Variants in CAST observed in about 807,000 individuals in gnomAD.
CAST encodes MIR583 host.
In CAST, 76 loss-of-function variants were observed where a neutral mutation model predicts 119.6. That is an observed-to-expected ratio of 0.64 (90% CI 0.53 to 0.77). The LOEUF is 0.77. CAST is among the 30% of genes least tolerant of loss of function. CAST has a pLI of 0.00. For missense variants in CAST, 953 were observed against 946.5 expected (o/e 1.01, Z -0.09); for synonymous variants, 319 against 331.6 (o/e 0.96, Z 0.41).
the CAST span, among the ~76,000 whole-genome samples, chr5:96,094,689 T>G: frequency 6.6e-6 from 1 of 152,222 alleles, no homozygotes; most frequent in East Asian, 1.9e-4. Context: ...GAACGCTAGC[T>G]GTTTGACTTT....
upstream of CAST, among the ~76,000 whole-genome samples, chr5:96,526,953 G>A (rs539053356): frequency 6.6e-6 from 1 of 152,236 alleles, no homozygotes; most frequent in Admixed American, 6.5e-5. Context: ...GAGTGGCAGG[G>A]GTAGGTAGTG....
chr5:96,022,936 G>T, the CAST span, among the ~76,000 whole-genome samples: 1 of 152,146 alleles, frequency 6.6e-6, no homozygotes, highest in African/African-American at 2.4e-5. Context: ...TCAACTGATT[G>T]TTTGTTAATA....
chr5:96,747,049 A>G (rs1260246504), intron 17 of CAST, among the ~76,000 whole-genome samples: 2 of 152,242 alleles, frequency 1.3e-5, no homozygotes, highest in Non-Finnish European at 2.9e-5. Flanking sequence ...TTCGATTAAC[A>G]TAGCTACATC....
the CAST span, among the ~76,000 whole-genome samples, chr5:96,404,917 C>A: frequency 6.6e-6 from 1 of 152,102 alleles, no homozygotes; most frequent in African/African-American, 2.4e-5. Context: ...ACAGTAAGAA[C>A]CTAATCAATA....
At chr5:96,576,388 A>C (rs1423643653) in intron 1 of CAST, among the ~76,000 whole-genome samples, 2 of 152,090 alleles carry the variant, frequency 1.3e-5, no homozygotes, top group African/African-American at 4.8e-5. Flanking sequence ...TCTGTCACCC[A>C]GGCTGGAGTG....
chr5:96,488,991 G>T, the CAST span, among the ~76,000 whole-genome samples: 2 of 152,180 alleles, frequency 1.3e-5, no homozygotes, highest in African/African-American at 4.8e-5. Flanking sequence ...AAGGAAGAGG[G>T]CATAGAATGG....
At chr5:96,358,385 C>T in the CAST span, among the ~76,000 whole-genome samples, 200 of 152,004 alleles carry the variant, frequency 1.3e-3, 1 homozygote, top group African/African-American at 4.5e-3. Flanking sequence ...TTTGAATTTG[C>T]TGGTTCTTGC....
At chr5:96,147,709 C>G in the CAST span, among the ~76,000 whole-genome samples, 1 of 152,200 alleles carries the variant, frequency 6.6e-6, no homozygotes, top group Non-Finnish European at 1.5e-5. Flanking sequence ...CTATTGAAGA[C>G]TGATTAAAGA....
the CAST span, among the ~76,000 whole-genome samples, chr5:96,493,483 T>C: frequency 6.6e-6 from 1 of 152,142 alleles, no homozygotes; most frequent in African/African-American, 2.4e-5. Flanking sequence ...CAGTTGGAAG[T>C]TGGGCAGGCT....
rs777278948 is a variant in CAST, at chr5:96,754,062, G to C, written c.1527G>C (p.Lys509Asn). The stretch of plus-strand genomic sequence containing the variant: ...TATATCCACTAATGCACTTTCAGAA[G>C]GGCACAGTGCCAGATGATGCTGTAG... ...QSAPPEPATL[K>N]GTVPDDAVEA... is the part of the protein sequence containing the mutation. The change falls in exon 21 of 32, where the codon AAG becomes AAC. Residue 509 changes from lysine to asparagine, a missense_variant and splice_region_variant. Physicochemically the swap from Lys to Asn is moderately conservative, Grantham distance 94. Transcript: ENST00000675179. 11 of 1,604,890 alleles carry C rather than the reference G, an allele frequency of 6.9e-6. No individual in the cohort carries two copies. The highest frequency in any genetic ancestry group is 1.3e-5 in the African/African-American group (1 of 74,736).
the CAST span, among the ~76,000 whole-genome samples, chr5:95,993,881 A>G: frequency 7.9e-5 from 12 of 152,232 alleles, no homozygotes; most frequent in African/African-American, 2.9e-4. Flanking sequence ...CAACATCACT[A>G]GTTATCAGGG....
At chr5:96,206,108 A>G in the CAST span, among the ~76,000 whole-genome samples, 6 of 152,030 alleles carry the variant, frequency 3.9e-5, no homozygotes, top group South Asian at 8.3e-4. Flanking sequence ...GGCTGTGTAT[A>G]TATCTTCTTT....
chr5:96,478,824 C>T, the CAST span, among the ~76,000 whole-genome samples: 1 of 152,192 alleles, frequency 6.6e-6, no homozygotes, highest in Non-Finnish European at 1.5e-5. Flanking sequence ...GACATTGGAG[C>T]TCAAAGCTCA....
chr5:96,181,022 ACTTTT>A, the CAST span, among the ~76,000 whole-genome samples: 22 of 152,314 alleles, frequency 1.4e-4, no homozygotes, highest in Admixed American at 6.5e-4. Context: ...ATTATTGAGT[ACTTTT>A]CTTTTCCTTT....
the CAST span, among the ~76,000 whole-genome samples, chr5:96,150,187 G>C: frequency 5.9e-5 from 9 of 152,328 alleles, no homozygotes; most frequent in Middle Eastern, 6.8e-3. Flanking sequence ...AGTTTTGGCT[G>C]AGGCACCAGA....
the CAST span, among the ~76,000 whole-genome samples, chr5:96,359,889 G>A: frequency 1.3e-5 from 2 of 152,186 alleles, no homozygotes; most frequent in African/African-American, 4.8e-5. Flanking sequence ...TGTCTTGCCC[G>A]GTTGGGGAAG....
rs367729206 is a variant in CAST, at chr5:96,699,557, G to A, written c.210+3650G>A. 3.3e-5 allele frequency among the ~76,000 whole-genome samples: 5 copies of A among 152,308 alleles called. No homozygotes were observed. In the East Asian group the frequency reaches 7.7e-4, roughly 24 times the overall value. ...GACTGGGTGCCAGAACTCTGCCACTGACAATGCAGAAGACTCAAAATCCCT... is the reference window on the plus strand; with the variant it reads ...GACTGGGTGCCAGAACTCTGCCACTAACAATGCAGAAGACTCAAAATCCCT... On this transcript the variant is annotated intron_variant, in intron 3 of 31. Coordinates refer to ENST00000675179, the MANE Select transcript of CAST (RefSeq NM_001750.7).
chr5:96,303,001 A>G, the CAST span, among the ~76,000 whole-genome samples: 5 of 152,202 alleles, frequency 3.3e-5, no homozygotes, highest in African/African-American at 7.2e-5. Context: ...GTCCATTCCC[A>G]CATGGCTATA....
intron 2 of CAST, among the ~76,000 whole-genome samples, chr5:96,678,638 A>G (rs1750981457): frequency 6.6e-6 from 1 of 152,074 alleles, no homozygotes; most frequent in South Asian, 2.1e-4. Flanking sequence ...AGGTCAGGAG[A>G]TCGACACCAT....
Sources: gnomAD v4.1 joint callset for allele counts (sites outside exome capture counted in the v4.1 genomes callset) on GRCh38, gnomAD v4.1.1 for gene constraint, MANE v1.5 for transcripts, NCBI Gene and HGNC (gene_info 2026-07-23, HGNC 2026-07-21) for gene names.